ACOT11: variants seen among roughly 807,000 people sequenced by gnomAD.
ACOT11 encodes acyl-coenzyme A thioesterase 11.
A neutral mutation model predicts 77.5 loss-of-function variants in ACOT11; 69 were observed. That is an observed-to-expected ratio of 0.89 (90% CI 0.73 to 1.09). The LOEUF is 1.09. Ranked by LOEUF, ACOT11 falls within the 50% of genes least tolerant of loss-of-function variation. The pLI, the probability that ACOT11 is intolerant of heterozygous loss-of-function variation, is 0.00. For missense variants in ACOT11, 766 were observed against 813.7 expected (o/e 0.94, Z 0.71); for synonymous variants, 279 against 313.0 (o/e 0.89, Z 1.15).
At chr1:54,557,106 T>C (rs1196371467) in intron 1 of ACOT11, among the ~76,000 whole-genome samples, 1 of 151,784 alleles carries the variant, frequency 6.6e-6, no homozygotes, top group Non-Finnish European at 1.5e-5. Context: ...AAAATTTTTA[T>C]ACTTAGGCCA....
At chr1:54,608,216 C>T (rs1262609759) in intron 15 of ACOT11, 148 bp downstream of exon 15, 22 of 733,624 alleles carry the variant, frequency 3.0e-5, no homozygotes, top group Non-Finnish European at 4.3e-5. Flanking sequence ...CTGAGAGTGT[C>T]AGGGGCTGAA....
At chr1:54,610,485 A>C (rs1644106232), downstream of ACOT11, 1 of 1,500,856 alleles carries the variant, frequency 6.7e-7, no homozygotes, top group South Asian at 1.1e-5. Context: ...TCAGACCGTC[A>C]TCCCCAGGCA....
rs751917163 is a variant in ACOT11, at chr1:54,609,903, CCT to C, written c.*793_*794del. On this transcript the variant is annotated 3_prime_UTR_variant, in exon 16 of 16. Coordinates refer to ENST00000343744, the MANE Select transcript of ACOT11 (RefSeq NM_147161.4). ...GGCACGGGGTTTTCAGCCACAGTTC[CCT>C]CGAGGCCAGTGTTCAGCAGGATCAT... The C allele has an allele frequency of 2.5e-6, 4 of 1,610,618 alleles. No homozygotes were observed. The highest frequency in any genetic ancestry group is 3.4e-6 in the Non-Finnish European group (4 of 1,179,884).
chr1:54,610,664 C>G (rs1278426290), downstream of ACOT11: 6 of 1,470,804 alleles, frequency 4.1e-6, no homozygotes, highest in Non-Finnish European at 5.4e-6. Flanking sequence ...CTCTAAGCCT[C>G]ATAGCACCCT....
rs746234041 is a variant in ACOT11, at chr1:54,599,333, G to GA, written c.805dup (p.Met269AsnfsTer27). The stretch of plus-strand genomic sequence containing the variant: ...TGCCCACCCTACGCTGAAGGCCATT[G>GA]AAATGTTCCACTTCCGAGGCCCGTC... On this transcript the variant is annotated frameshift_variant, in exon 8 of 16. Transcript: ENST00000343744. LOFTEE classifies it high-confidence loss of function. The GA allele has an allele frequency of 1.9e-6, 3 of 1,607,816 alleles. No homozygotes were observed. Among genetic ancestry groups the GA allele is most frequent in the Non-Finnish European group, 2.5e-6 (3 of 1,177,928 alleles).
At chr1:54,613,691 A>G (rs1644141895), downstream of ACOT11, among the ~76,000 whole-genome samples, 1 of 152,170 alleles carries the variant, frequency 6.6e-6, no homozygotes, top group African/African-American at 2.4e-5. Flanking sequence ...TTATGTTGCC[A>G]CCCACTGCCC....
intron 1 of ACOT11, among the ~76,000 whole-genome samples, chr1:54,578,521 A>G (rs1291757530): frequency 6.6e-6 from 1 of 152,226 alleles, no homozygotes; most frequent in Non-Finnish European, 1.5e-5. Context: ...TTCTAAATGC[A>G]GATTCACAGG....
chr1:54,563,362 C>A (rs1398707251), intron 1 of ACOT11, among the ~76,000 whole-genome samples: 3 of 152,192 alleles, frequency 2.0e-5, no homozygotes, highest in Non-Finnish European at 4.4e-5. Context: ...AGCTCCATCG[C>A]TCACCGGCAG....
chr1:54,578,085 A>G (rs1290903599), intron 1 of ACOT11, among the ~76,000 whole-genome samples: 2 of 152,188 alleles, frequency 1.3e-5, no homozygotes, highest in Non-Finnish European at 2.9e-5. Flanking sequence ...TCCTGTGTCA[A>G]TAGTGCCAGT....
intron 3 of ACOT11, among the ~76,000 whole-genome samples, chr1:54,590,768 G>C (rs1654683368): frequency 6.6e-6 from 1 of 151,470 alleles, no homozygotes; most frequent in South Asian, 2.1e-4. Flanking sequence ...TTTTTTTCTT[G>C]TTAAGAGACA....
chr1:54,617,461 T>TAA (rs35936174), intron 15 of ACOT11, among the ~76,000 whole-genome samples: 11 of 134,018 alleles, frequency 8.2e-5, no homozygotes, highest in Non-Finnish European at 1.3e-4. Context: ...CACTTTCTGT[T>TAA]AAAAAAAAAA....
intron 16 of ACOT11, among the ~76,000 whole-genome samples, chr1:54,631,617 T>C (rs767550291): frequency 1.3e-5 from 2 of 152,164 alleles, no homozygotes; most frequent in Non-Finnish European, 2.9e-5. Flanking sequence ...CTGGTTTCGA[T>C]GCACAAGTGG....
chr1:54,548,420 C>T (rs1375444150), intron 1 of ACOT11, 78 bp downstream of exon 1: 2 of 1,509,114 alleles, frequency 1.3e-6, no homozygotes, highest in African/African-American at 2.8e-5. Context: ...TCCATTTTAA[C>T]TCAGACGCTC....
downstream of ACOT11, chr1:54,611,563 G>T: frequency 6.2e-7 from 1 of 1,605,958 alleles, no homozygotes; most frequent in Non-Finnish European, 8.5e-7. Flanking sequence ...GCTGCTCCAT[G>T]CAGAATCCAG....
intron 1 of ACOT11, chr1:54,548,654 A>G (rs1010549682): frequency 2.9e-5 from 13 of 451,900 alleles, no homozygotes; most frequent in Non-Finnish European, 4.0e-5. Flanking sequence ...AGTTCTGTGT[A>G]TGTTTCTGGG....
chr1:54,573,119 C>G (rs961097546), intron 1 of ACOT11: 37 of 985,298 alleles, frequency 3.8e-5, no homozygotes, highest in Non-Finnish European at 1.4e-5. Flanking sequence ...AGTCCTGGCT[C>G]CAGGTATGGG....
intron 15 of ACOT11, among the ~76,000 whole-genome samples, chr1:54,623,120 G>C (rs1007004434): frequency 2.4e-4 from 36 of 151,750 alleles, no homozygotes; most frequent in African/African-American, 8.5e-4. Flanking sequence ...AGGTTGCAGT[G>C]AGCCGAGAAT....
chr1:54,610,568 A>G (rs376886368), downstream of ACOT11: 268 of 1,607,680 alleles, frequency 1.7e-4, no homozygotes, highest in Middle Eastern at 5.0e-4. Context: ...GTGGGGCCCC[A>G]AATCGCCAAG....
chr1:54,618,957 G>C (rs1262172536), intron 15 of ACOT11, among the ~76,000 whole-genome samples: 2 of 152,118 alleles, frequency 1.3e-5, no homozygotes, highest in African/African-American at 2.4e-5. Context: ...AGTGTAAGGG[G>C]CCATCTGGTA....
Sources: allele counts gnomAD v4.1 joint callset (sites outside exome capture counted in the v4.1 genomes callset), GRCh38; gene constraint gnomAD v4.1.1; transcripts MANE v1.5; gene names NCBI Gene and HGNC (gene_info 2026-07-23, HGNC 2026-07-21).